Variants in PRR14L observed in about 807,000 individuals in gnomAD.
PRR14L encodes protein PRR14L.
In PRR14L, 80 loss-of-function variants were observed where a neutral mutation model predicts 155.0. The observed-to-expected ratio is 0.52, with a 90% CI of 0.43 to 0.62. The LOEUF (loss-of-function observed/expected upper bound fraction) is 0.62, where lower values mean the gene tolerates loss of function less well. Ranked by LOEUF, PRR14L falls within the 20% of genes least tolerant of loss-of-function variation. PRR14L has a pLI of 0.00. For missense variants in PRR14L, 2,469 were observed against 2,548.0 expected, an observed-to-expected ratio of 0.97 and a Z score of 0.67; for synonymous variants, 883 against 916.0, an observed-to-expected ratio of 0.96 and a Z score of 0.65.
intron 7 of PRR14L, among the ~76,000 whole-genome samples, chr22:31,691,623 T>C (rs1173926080): frequency 2.0e-5 from 3 of 152,228 alleles, no homozygotes; most frequent in Non-Finnish European, 4.4e-5. Context: ...TTTCTGTCTC[T>C]AAGGATTCTA....
rs938549681 is a variant in PRR14L, at chr22:31,682,535, A to G, written c.*2992T>C. On this transcript the variant is annotated 3_prime_UTR_variant, in exon 9 of 9. Coordinates refer to ENST00000327423, the MANE Select transcript of PRR14L (RefSeq NM_173566.3). ...GAAGCTGGAAAGGAGACCAAAAGCAAAAAAAGAGGAGGGAACGCGGAGGGA... is the reference window on the plus strand; with the variant it reads ...GAAGCTGGAAAGGAGACCAAAAGCAGAAAAAGAGGAGGGAACGCGGAGGGA... 1.3e-5 allele frequency: 2 copies of G among 152,164 alleles called. No individual in the cohort carries two copies. Among genetic ancestry groups the G allele is most frequent in the Admixed American group, 1.3e-4 (2 of 15,238 alleles). The allele number at this position is 152,164 out of a possible 1,614,324, so 9.4% of individuals were successfully genotyped here.
At chr22:31,722,114 T>C (rs1434308117) in intron 3 of PRR14L, among the ~76,000 whole-genome samples, 1 of 152,156 alleles carries the variant, frequency 6.6e-6, no homozygotes, top group Non-Finnish European at 1.5e-5. Flanking sequence ...GTAGTAAGTA[T>C]ATATTAGATT....
intron 3 of PRR14L, among the ~76,000 whole-genome samples, chr22:31,722,058 G>A (rs529875402): frequency 5.9e-5 from 9 of 152,038 alleles, no homozygotes; most frequent in South Asian, 2.1e-4. Flanking sequence ...ATCAAGTAAA[G>A]TAATTTGCAC....
intron 4 of PRR14L, among the ~76,000 whole-genome samples, chr22:31,705,409 C>T (rs1269439054): frequency 2.0e-5 from 3 of 151,816 alleles, no homozygotes; most frequent in East Asian, 3.9e-4. Flanking sequence ...AGTCTTGTTC[C>T]GTTGCCCAGG....
At position 31,686,103 on chromosome 22, in the gene PRR14L, T is replaced by TC. The variant is rs2074480792; in HGVS notation, c.6180-301_6180-300insG. Among the ~76,000 whole-genome samples the TC allele has an allele frequency of 3.4e-5, 5 of 146,128 alleles. No homozygotes were observed. The South Asian group carries it at 1.1e-3, about 31-fold the overall frequency. On this transcript the variant is annotated intron_variant, in intron 8 of 8. Coordinates refer to ENST00000327423, the MANE Select transcript of PRR14L (RefSeq NM_173566.3). ...GTATGTGTCACTATGCCAGGTTAAT[T>TC]TTTTTTTTTTTTTAAGATGGAGTCT...
chr22:31,685,937 T>C, intron 8 of PRR14L, 134 bp from the exon 9 acceptor site: 1 of 792,320 alleles, frequency 1.3e-6, no homozygotes, highest in East Asian at 2.7e-5. Context: ...CGCCAACTCT[T>C]TTTCTTTTTT....
intron 7 of PRR14L, among the ~76,000 whole-genome samples, chr22:31,694,070 A>G (rs1244035936): frequency 6.6e-6 from 1 of 152,194 alleles, no homozygotes; most frequent in African/African-American, 2.4e-5. Context: ...TGAGTCCAGG[A>G]GTTTGAGACC....
rs960697075 is a variant in PRR14L, at chr22:31,684,451, T to G, written c.*1076A>C. The G allele has an allele frequency of 6.6e-6, 1 of 152,200 alleles. No individual in the cohort carries two copies. The highest frequency in any genetic ancestry group is 1.5e-5 in the Non-Finnish European group (1 of 68,044). The allele number at this position is 152,200 out of a possible 1,614,324, so 9.4% of individuals were successfully genotyped here. On this transcript the variant is annotated 3_prime_UTR_variant, in exon 9 of 9. Transcript: ENST00000327423. The stretch of plus-strand genomic sequence containing the variant: ...ACTGCCCAAGCCGTTGTACTCAATT[T>G]TGTTACCTAACACCATTTCAGATAA...
At chr22:31,696,027 AAT>A (rs756765999) in intron 7 of PRR14L, among the ~76,000 whole-genome samples, 4 of 152,160 alleles carry the variant, frequency 2.6e-5, no homozygotes, top group Non-Finnish European at 5.9e-5. Context: ...GTTGCTACTA[AAT>A]ATGTTAGACC....
In PRR14L at chr22:31,715,305, C is replaced by CT; in HGVS notation, c.2533dup (p.Ser845LysfsTer4). The CT allele has an allele frequency of 1.9e-6, 3 of 1,552,114 alleles. No individual in the cohort carries two copies. Among genetic ancestry groups the CT allele is most frequent in the Non-Finnish European group, 2.6e-6 (3 of 1,147,090 alleles). On this transcript the variant is annotated frameshift_variant, in exon 4 of 9. Transcript: ENST00000327423. LOFTEE classifies it high-confidence loss of function. ...TGATGTGTAACTCACTTTACAGCTG[C>CT]TTTTTTCCACAGAGTGTCCTGTTCC...
chr22:31,722,200 C>T (rs765217776), intron 3 of PRR14L, among the ~76,000 whole-genome samples: 95 of 151,966 alleles, frequency 6.3e-4, no homozygotes, highest in Non-Finnish European at 1.2e-3. Context: ...GAGCCTGAGA[C>T]GGGTGGATCA....
At chr22:31,707,288 C>T (rs1228461374) in intron 4 of PRR14L, among the ~76,000 whole-genome samples, 1 of 152,092 alleles carries the variant, frequency 6.6e-6, no homozygotes, top group Non-Finnish European at 1.5e-5. Context: ...CTCTCGAAGA[C>T]GAAAAGGGGC....
At chr22:31,719,235 C>G in intron 3 of PRR14L, among the ~76,000 whole-genome samples, 1 of 149,030 alleles carries the variant, frequency 6.7e-6, no homozygotes, top group East Asian at 2.0e-4. Context: ...GACTCTGTCT[C>G]TACAAAAAAT....
chr22:31,690,870 G>A (rs2074507698), intron 7 of PRR14L, among the ~76,000 whole-genome samples: 1 of 151,496 alleles, frequency 6.6e-6, no homozygotes, highest in African/African-American at 2.4e-5. Flanking sequence ...TCAAACTCCT[G>A]ATCTTGTGAT....
chr22:31,685,413 G>C lies in PRR14L; in HGVS notation c.*114C>G, dbSNP rs1401410002. On this transcript the variant is annotated 3_prime_UTR_variant, in exon 9 of 9. Transcript: ENST00000327423. ...ACTGTGCATTTTTGAGTGGTTTGGC[G>C]GTAGGGCAAAATTAGGCAACCTTTT... 7.9e-6 allele frequency: 7 copies of C among 888,116 alleles called. No individual in the cohort carries two copies. The highest frequency in any genetic ancestry group is 1.2e-5 in the Non-Finnish European group (7 of 598,498). 55.0% of individuals were successfully genotyped at this position (888,116 alleles called of 1,614,324 possible).
chr22:31,722,553 T>C (rs1476400833), intron 3 of PRR14L, among the ~76,000 whole-genome samples: 1 of 150,354 alleles, frequency 6.7e-6, no homozygotes, highest in Admixed American at 6.6e-5. Flanking sequence ...GACGGAGTCT[T>C]GCTCTGCTGC....
intron 3 of PRR14L, among the ~76,000 whole-genome samples, chr22:31,724,563 A>G (rs1053235130): frequency 3.3e-5 from 5 of 151,862 alleles, no homozygotes; most frequent in Non-Finnish European, 5.9e-5. Context: ...CTGCCATGCT[A>G]ATTTTTGCAT....
At chr22:31,735,642 G>GAAA (rs11443259) in intron 2 of PRR14L, among the ~76,000 whole-genome samples, 30 of 130,462 alleles carry the variant, frequency 2.3e-4, no homozygotes, top group South Asian at 4.9e-4. Context: ...CCCTAAATTG[G>GAAA]AAAAAAAAAA....
Position 31,716,218 on chromosome 22 carries a change from A to G in PRR14L, c.1621T>C (p.Cys541Arg), listed in dbSNP as rs2074658331. The change falls in exon 4 of 9, where the codon TGT becomes CGT. Residue 541 changes from cysteine (C) to arginine (R), a missense_variant. Physicochemically the swap from Cys to Arg is radical, Grantham distance 180 (BLOSUM62 -3). This residue lies in a region of PRR14L where 2,363 missense variants were observed against 2,371.6 expected (regional missense o/e 1.00). Coordinates refer to ENST00000327423, the MANE Select transcript of PRR14L (RefSeq NM_173566.3). ...ILSKSFYTKD[C>R]NSLVSIQRNL... ...CTCTGGATGCTGACTAAGGAGTTAC[A>G]GTCTTTAGTGTAAAAAGATTTACTT... 1.9e-6 allele frequency: 3 copies of G among 1,551,590 alleles called. No individual in the cohort carries two copies. Among genetic ancestry groups the G allele is most frequent in the Non-Finnish European group, 2.6e-6 (3 of 1,146,894 alleles).
Sources: gnomAD v4.1 joint callset for allele counts (sites outside exome capture counted in the v4.1 genomes callset) on GRCh38, gnomAD v4.1.1 for gene constraint, gnomAD v4.1.1 regional missense constraint, MANE v1.5 for transcripts, NCBI Gene and HGNC (gene_info 2026-07-23, HGNC 2026-07-21) for gene names.